Variants in EYS observed in about 807,000 individuals in gnomAD.
EYS encodes EGF-like photoreceptor maintenance factor.
In EYS, 250 loss-of-function variants were observed where a neutral mutation model predicts 282.1. The observed-to-expected ratio is 0.89, with a 90% CI of 0.80 to 0.98. The LOEUF (loss-of-function observed/expected upper bound fraction) is 0.98, where lower values mean the gene tolerates loss of function less well. Among genes scored for constraint, EYS ranks in the 50% least tolerant of loss-of-function variants. The pLI is 0.00. For missense variants in EYS, 4,016 were observed against 3,709.0 expected (o/e 1.08, Z -2.15); for synonymous variants, 1,355 against 1,282.9 (o/e 1.06, Z -1.20).
chr6:64,617,398 C>T lies in EYS; in HGVS notation c.3684+20G>A. 7.0e-7 allele frequency: 1 copy of T among 1,436,072 alleles called. No homozygotes were observed. Among genetic ancestry groups the T allele is most frequent in the South Asian group, 1.2e-5 (1 of 81,664 alleles). The allele number at this position is 1,436,072 out of a possible 1,614,324, so 89.0% of individuals were successfully genotyped here. ...AGAGAATAAAAAATTATTACAACCA[C>T]AACCACCAGTAATCTTTACCATAAA... On this transcript the variant is annotated intron_variant, in intron 24 of 42. Coordinates refer to ENST00000503581, the MANE Select transcript of EYS (RefSeq NM_001142800.2).
intron 12 of EYS, among the ~76,000 whole-genome samples, chr6:65,206,688 GT>G (rs540314150): frequency 1.4e-3 from 210 of 151,828 alleles, no homozygotes; most frequent in African/African-American, 4.9e-3. Context: ...AGTCAAGTGG[GT>G]TTTATTCCAG....
chr6:65,566,875 C>T (rs879437173), intron 2 of EYS, among the ~76,000 whole-genome samples: 11 of 152,092 alleles, frequency 7.2e-5, no homozygotes, highest in Non-Finnish European at 1.5e-4. Flanking sequence ...TACAATATGA[C>T]TGCATTTTTA....
intron 2 of EYS, among the ~76,000 whole-genome samples, chr6:65,636,578 C>T (rs1767098013): frequency 6.6e-6 from 1 of 152,078 alleles, no homozygotes; most frequent in Non-Finnish European, 1.5e-5. Context: ...CTTAAGATGA[C>T]AGCAAGAATG....
intron 19 of EYS, among the ~76,000 whole-genome samples, chr6:64,827,957 T>C (rs955405834): frequency 2.0e-5 from 3 of 151,820 alleles, no homozygotes; most frequent in African/African-American, 7.2e-5. Context: ...AGGTTGAAAT[T>C]ATCAGAGAAG....
chr6:64,550,837 A>G (rs1255509285), intron 26 of EYS, among the ~76,000 whole-genome samples: 2 of 152,152 alleles, frequency 1.3e-5, no homozygotes, highest in Non-Finnish European at 2.9e-5. Context: ...AGAGAGCCAA[A>G]TCATGAGTGA....
At chr6:63,797,345 C>T (rs544867789) in intron 37 of EYS, 2 of 152,120 alleles carry the variant, frequency 1.3e-5, no homozygotes, top group South Asian at 4.1e-4. Flanking sequence ...ATATCTAGGT[C>T]GATACGTGAG....
intron 22 of EYS, chr6:64,733,271 T>C (rs2149954056): frequency 6.4e-6 from 1 of 156,370 alleles, no homozygotes; most frequent in Non-Finnish European, 1.4e-5. Flanking sequence ...GCAAGGCTGC[T>C]TCTCAAAGCA....
intron 30 of EYS, among the ~76,000 whole-genome samples, chr6:64,291,992 G>C (rs141105585): frequency 1.3e-5 from 2 of 152,158 alleles, no homozygotes; most frequent in Non-Finnish European, 2.9e-5. Context: ...CCTTATATCA[G>C]TCGTATTATT....
At chr6:65,419,129 G>A (rs1015834421) in intron 5 of EYS, among the ~76,000 whole-genome samples, 18 of 151,336 alleles carry the variant, frequency 1.2e-4, no homozygotes, top group African/African-American at 4.4e-4. Flanking sequence ...TTTTTTTCAG[G>A]AGCAGAGCTA....
At chr6:65,519,495 T>A (rs1411293962) in intron 2 of EYS, among the ~76,000 whole-genome samples, 2 of 149,878 alleles carry the variant, frequency 1.3e-5, no homozygotes, top group African/African-American at 4.9e-5. Context: ...AACTAATAAA[T>A]ATATGTATAT....
chr6:65,282,435 G>T (rs1582097801), intron 12 of EYS, among the ~76,000 whole-genome samples: 1 of 151,782 alleles, frequency 6.6e-6, no homozygotes, highest in Non-Finnish European at 1.5e-5. Flanking sequence ...CATAACATTG[G>T]CTCTTAAAAT....
chr6:64,658,830 G>A (rs1029078277), intron 22 of EYS, among the ~76,000 whole-genome samples: 15 of 152,276 alleles, frequency 9.9e-5, no homozygotes, highest in African/African-American at 3.4e-4. Context: ...ACAGATCAAC[G>A]AGACAGAAAG....
At chr6:64,530,260 C>T (rs994057320) in intron 26 of EYS, among the ~76,000 whole-genome samples, 21 of 151,786 alleles carry the variant, frequency 1.4e-4, no homozygotes, top group Non-Finnish European at 2.9e-5. Flanking sequence ...TTTAAAAGTA[C>T]TAAAATATCT....
At chr6:63,826,845 C>CAAAAAAAAAAAAAAAAAGA (rs1771475400) in intron 36 of EYS, among the ~76,000 whole-genome samples, 1 of 76,762 alleles carries the variant, frequency 1.3e-5, no homozygotes, top group Non-Finnish European at 2.5e-5. Flanking sequence ...AGTTAAAAAG[C>CAAAAAAAAAAAAAAAAAGA]AAAAAAAAAA....
intron 29 of EYS, among the ~76,000 whole-genome samples, chr6:64,358,653 T>G (rs966873616): frequency 2.6e-5 from 4 of 151,592 alleles, no homozygotes; most frequent in African/African-American, 9.7e-5. Flanking sequence ...AAAAACCAAG[T>G]CACACGGTTT....
intron 33 of EYS, among the ~76,000 whole-genome samples, chr6:64,051,306 G>A (rs535679062): frequency 1.3e-5 from 2 of 152,262 alleles, no homozygotes; most frequent in African/African-American, 4.8e-5. Flanking sequence ...AATTGTTAAG[G>A]ACAGTTAAGT....
At chr6:65,507,419 T>C (rs2127283525) in intron 2 of EYS, among the ~76,000 whole-genome samples, 1 of 152,268 alleles carries the variant, frequency 6.6e-6, no homozygotes, top group South Asian at 2.1e-4. Context: ...GTTTTTATCT[T>C]TATAGTTTAT....
At chr6:65,441,901 A>C (rs937372228) in intron 5 of EYS, among the ~76,000 whole-genome samples, 3 of 152,048 alleles carry the variant, frequency 2.0e-5, no homozygotes, top group Non-Finnish European at 4.4e-5. Context: ...GTTCAAGGCC[A>C]AAGTCATATC....
chr6:65,268,813 T>TA lies in EYS; in HGVS notation c.2023+27049_2023+27050insT, dbSNP rs200136169. ...GTGGTATTTCAACATAAGTTTTTTTTTAAAAAAAAGATGCTAAGATCTCTT... is the reference window on the plus strand; with the variant it reads ...GTGGTATTTCAACATAAGTTTTTTTTATAAAAAAAAGATGCTAAGATCTCTT... On this transcript the variant is annotated intron_variant, in intron 12 of 42. Transcript: ENST00000503581. 5.9e-3 allele frequency among the ~76,000 whole-genome samples: 699 copies of TA among 117,872 alleles called. 3 individuals are homozygous for TA. In the East Asian group the frequency reaches 0.066, roughly 11 times the overall value. 77.3% of individuals were successfully genotyped at this position (117,872 alleles called of 152,430 possible).
Sources: allele counts gnomAD v4.1 joint callset (sites outside exome capture counted in the v4.1 genomes callset), GRCh38; gene constraint gnomAD v4.1.1; transcripts MANE v1.5; gene names NCBI Gene and HGNC (gene_info 2026-07-23, HGNC 2026-07-21).